Variants in CNTN5 observed in about 807,000 individuals in gnomAD.
CNTN5 encodes contactin-5.
Under a neutral mutation model 129.1 loss-of-function variants are expected in CNTN5, and 77 were observed. The ratio of observed to expected loss-of-function variants is 0.60; its 90% CI spans 0.50 to 0.72. The LOEUF is 0.72. Ranked by LOEUF, CNTN5 falls within the 30% of genes least tolerant of loss-of-function variation. The pLI, the probability that CNTN5 is intolerant of heterozygous loss-of-function variation, is 0.00. For missense variants in CNTN5, 1,478 were observed against 1,328.8 expected, an observed-to-expected ratio of 1.11 and a Z score of -1.75; for synonymous variants, 509 against 465.6, an observed-to-expected ratio of 1.09 and a Z score of -1.20.
At chr11:99,412,749 A>G (rs1018476617) in intron 2 of CNTN5, among the ~76,000 whole-genome samples, 2 of 152,184 alleles carry the variant, frequency 1.3e-5, no homozygotes, top group African/African-American at 4.8e-5. Context: ...GTTATAGTGC[A>G]TTCTTTATCA....
At chr11:99,162,311 C>A (rs577017337) in intron 1 of CNTN5, among the ~76,000 whole-genome samples, 1 of 151,578 alleles carries the variant, frequency 6.6e-6, no homozygotes, top group Non-Finnish European at 1.5e-5. Context: ...AAGAAGAGAG[C>A]CTTTGTAGAA....
chr11:100,297,736 T>C (rs1410388087), intron 19 of CNTN5, 41 bp downstream of exon 19: 7 of 1,432,578 alleles, frequency 4.9e-6, no homozygotes, highest in South Asian at 1.2e-5. Context: ...TCCACGTGTT[T>C]GTTTGGCTTA....
At chr11:99,506,333 G>A (rs914255289) in intron 2 of CNTN5, among the ~76,000 whole-genome samples, 2 of 152,198 alleles carry the variant, frequency 1.3e-5, no homozygotes, top group African/African-American at 2.4e-5. Flanking sequence ...GCATGAGACA[G>A]TTATTCTTCC....
intron 16 of CNTN5, 104 bp from the exon 17 acceptor site, chr11:100,255,656 T>G: frequency 2.1e-6 from 2 of 961,216 alleles, no homozygotes; most frequent in Non-Finnish European, 3.1e-6. Flanking sequence ...CATATTTCAT[T>G]AAGGTGATTA....
chr11:99,760,196 T>TG (rs1430979453), intron 3 of CNTN5, among the ~76,000 whole-genome samples: 1 of 152,170 alleles, frequency 6.6e-6, no homozygotes, highest in Non-Finnish European at 1.5e-5. Context: ...CAGAGGAGTC[T>TG]GATTTATTTT....
chr11:99,844,163 C>A (rs1373892014), intron 4 of CNTN5, among the ~76,000 whole-genome samples: 3 of 152,204 alleles, frequency 2.0e-5, no homozygotes, highest in African/African-American at 7.2e-5. Context: ...ATATAGTAGG[C>A]AATAAATTTA....
chr11:99,821,008 A>G (rs2135562359), intron 4 of CNTN5, among the ~76,000 whole-genome samples: 1 of 152,346 alleles, frequency 6.6e-6, no homozygotes, highest in East Asian at 1.9e-4. Flanking sequence ...GTATGTAAGC[A>G]TGATGTTAGA....
intron 3 of CNTN5, among the ~76,000 whole-genome samples, chr11:99,781,553 T>C (rs1011819797): frequency 2.0e-5 from 3 of 152,024 alleles, no homozygotes; most frequent in African/African-American, 7.2e-5. Flanking sequence ...TTTTAGTGAA[T>C]ATATGCACAT....
chr11:100,077,118 T>G (rs1944162104), intron 13 of CNTN5, among the ~76,000 whole-genome samples: 1 of 152,112 alleles, frequency 6.6e-6, no homozygotes, highest in Admixed American at 6.6e-5. Context: ...CTTGAGGAAA[T>G]TTTAGATTGC....
At chr11:99,042,115 A>T (rs1864007573) in intron 1 of CNTN5, among the ~76,000 whole-genome samples, 1 of 152,156 alleles carries the variant, frequency 6.6e-6, no homozygotes, top group South Asian at 2.1e-4. Flanking sequence ...AGCATGTATC[A>T]TTATATATAA....
intron 3 of CNTN5, among the ~76,000 whole-genome samples, chr11:99,585,644 G>A (rs536597369): frequency 1.1e-4 from 17 of 152,076 alleles, no homozygotes; most frequent in African/African-American, 4.1e-4. Flanking sequence ...GTTCTTTCAA[G>A]ACTTCCATTA....
intron 3 of CNTN5, among the ~76,000 whole-genome samples, chr11:99,784,496 C>T (rs1177332388): frequency 6.6e-6 from 1 of 151,774 alleles, no homozygotes; most frequent in Non-Finnish European, 1.5e-5. Context: ...GGGTTGGTTC[C>T]AAGTCTTTCC....
chr11:100,020,382 A>G (rs1941071134), intron 9 of CNTN5, among the ~76,000 whole-genome samples: 1 of 152,072 alleles, frequency 6.6e-6, no homozygotes, highest in Non-Finnish European at 1.5e-5. Flanking sequence ...CATTTATTAA[A>G]GACTGTCCTT....
chr11:99,219,768 G>A (rs540717222), intron 1 of CNTN5, among the ~76,000 whole-genome samples: 16 of 152,020 alleles, frequency 1.1e-4, no homozygotes, highest in African/African-American at 3.9e-4. Context: ...TACTATGAGG[G>A]TAGAGGGTAT....
chr11:99,335,863 T>C (rs184397178), intron 2 of CNTN5, among the ~76,000 whole-genome samples: 1 of 151,824 alleles, frequency 6.6e-6, no homozygotes, highest in East Asian at 1.9e-4. Context: ...GATGAGACAA[T>C]GAGTACAGGA....
intron 6 of CNTN5, among the ~76,000 whole-genome samples, chr11:99,896,991 C>T (rs1949223306): frequency 6.6e-6 from 1 of 152,166 alleles, no homozygotes; most frequent in Admixed American, 6.5e-5. Context: ...CTGCCAGTGA[C>T]CCGGGTACCA....
intron 6 of CNTN5, among the ~76,000 whole-genome samples, chr11:99,869,845 C>T (rs1948456246): frequency 6.6e-6 from 1 of 152,152 alleles, no homozygotes; most frequent in African/African-American, 2.4e-5. Flanking sequence ...AAAAAGGTAA[C>T]TCCTCCCTTA....
intron 1 of CNTN5, among the ~76,000 whole-genome samples, chr11:99,321,806 G>GTAGA (rs1865583437): frequency 6.6e-6 from 1 of 152,140 alleles, no homozygotes; most frequent in African/African-American, 2.4e-5. Context: ...TTCTACAGAG[G>GTAGA]TAGTAGGTAG....
In CNTN5 at chr11:99,868,181, A is replaced by G. The variant is rs7124552; in HGVS notation, c.577+22919A>G. Among the ~76,000 whole-genome samples, 300 of 151,890 alleles carry G rather than the reference A, an allele frequency of 2.0e-3. 1 individual carries two copies. The highest frequency in any genetic ancestry group is 7.1e-3 in the African/African-American group (293 of 41,428). On this transcript the variant is annotated intron_variant, in intron 6 of 24. Coordinates refer to ENST00000524871, the MANE Select transcript of CNTN5 (RefSeq NM_014361.4). Reference sequence around the variant, plus strand: ...TGATGAGCTGAGAACGTGCCGCTGCACTCCAGCCTGGGCAACAAGAACAAA... The same window carrying G: ...TGATGAGCTGAGAACGTGCCGCTGCGCTCCAGCCTGGGCAACAAGAACAAA...
Sources: allele counts gnomAD v4.1 joint callset (sites outside exome capture counted in the v4.1 genomes callset), GRCh38; gene constraint gnomAD v4.1.1; transcripts MANE v1.5; gene names NCBI Gene and HGNC (gene_info 2026-07-23, HGNC 2026-07-21).